The following CATSPERE variants were observed in gnomAD, a reference collection of about 807,000 sequenced individuals.
CATSPERE encodes catsper channel auxiliary subunit epsilon.
In CATSPERE, 93 loss-of-function variants were observed where a neutral mutation model predicts 114.1. That is an observed-to-expected ratio of 0.81 (90% CI 0.69 to 0.97). The LOEUF (loss-of-function observed/expected upper bound fraction) is 0.97, where lower values mean the gene tolerates loss of function less well. Among genes scored for constraint, CATSPERE ranks in the 50% least tolerant of loss-of-function variants. CATSPERE has a pLI of 0.00. For missense variants in CATSPERE, 1,058 were observed against 1,131.6 expected, an observed-to-expected ratio of 0.93 and a Z score of 0.93; for synonymous variants, 341 against 384.1, an observed-to-expected ratio of 0.89 and a Z score of 1.31.
At chr1:244,495,053 A>G (rs1672878676) in intron 6 of CATSPERE, among the ~76,000 whole-genome samples, 1 of 152,202 alleles carries the variant, frequency 6.6e-6, no homozygotes, top group Admixed American at 6.5e-5. Context: ...CTTCTCACTC[A>G]AAACACAGAA....
In CATSPERE at chr1:244,552,784, A is replaced by G; in HGVS notation, c.999A>G (p.Arg333=). 6.2e-7 allele frequency: 1 copy of G among 1,607,288 alleles called. No homozygotes were observed. Reference sequence around the variant, plus strand: ...GTGGAATTACTGGCATTTCATCAAGAAAATGGTGTTGGGTCAATTATTTAT... The same window carrying G: ...GTGGAATTACTGGCATTTCATCAAGGAAATGGTGTTGGGTCAATTATTTAT... The part of the protein sequence containing the change: ...PDGGITGISS[R]KWCWVNYLLK... Residue 333 remains arginine (R), a synonymous_variant, in exon 9 of 22, where the codon AGA becomes AGG. Transcript: ENST00000366534.
intron 8 of CATSPERE, among the ~76,000 whole-genome samples, chr1:244,528,458 A>G (rs1214848496): frequency 6.6e-6 from 1 of 152,182 alleles, no homozygotes; most frequent in Non-Finnish European, 1.5e-5. Context: ...ATTAAATAGT[A>G]CATTGTTTAG....
In CATSPERE at chr1:244,499,157, A is replaced by G. The variant is rs1012642321; in HGVS notation, c.429+78A>G. 7 of 1,061,692 alleles carry G rather than the reference A, an allele frequency of 6.6e-6. No individual in the cohort carries two copies. The African/African-American group carries it at 7.9e-5, about 12-fold the overall frequency. The allele number at this position is 1,061,692 out of a possible 1,614,324, so 65.8% of individuals were successfully genotyped here. ...TTGTAGGGACTGTGAAAAATTTATA[A>G]TCAATAGACAGGATTTTAAGCTGCC... is the stretch of plus-strand genomic sequence containing the variant. On this transcript the variant is annotated intron_variant, in intron 7 of 21. Transcript: ENST00000366534.
Position 244,552,329 on chromosome 1 carries a change from C to T in CATSPERE, c.544C>T (p.Arg182Cys), listed in dbSNP as rs778957359. 24 of 1,605,028 alleles carry T rather than the reference C, an allele frequency of 1.5e-5. No homozygotes were observed. The South Asian group carries it at 1.6e-4, about 10-fold the overall frequency. Residue 182 changes from arginine to cysteine, a missense_variant, in exon 9 of 22, where the codon CGT becomes TGT. Arg to Cys is a radical substitution (Grantham distance 180). Coordinates refer to ENST00000366534, the MANE Select transcript of CATSPERE (RefSeq NM_001130957.2). ...SNEKMRRGTW[R>C]IVVPMTKDDA... Reference sequence around the variant, plus strand: ...TTTTCTTTCTCTTCTTAGGACCTGGCGTATTGTAGTACCAATGACAAAAGA... The same window carrying T: ...TTTTCTTTCTCTTCTTAGGACCTGGTGTATTGTAGTACCAATGACAAAAGA...
chr1:244,609,696 TC>T (rs1488959432), intron 18 of CATSPERE, among the ~76,000 whole-genome samples: 2 of 152,064 alleles, frequency 1.3e-5, no homozygotes, highest in African/African-American at 4.8e-5. Context: ...CATAAAACTG[TC>T]ATATTCGCAG....
intron 1 of CATSPERE, 32 bp downstream of exon 1, chr1:244,461,526 AGGCGGGGATTACCCCC>A (rs752181424): frequency 2.4e-6 from 3 of 1,275,978 alleles, no homozygotes; most frequent in Admixed American, 8.1e-5. Flanking sequence ...GCGAGCGACT[AGGCGGGGATTACCCCC>A]GGCGGGGCAG....
intron 8 of CATSPERE, among the ~76,000 whole-genome samples, chr1:244,527,096 A>G (rs892722988): frequency 4.6e-5 from 7 of 152,162 alleles, no homozygotes; most frequent in Non-Finnish European, 1.0e-4. Context: ...TTCATGTCCA[A>G]CTGGGCACGC....
intron 20 of CATSPERE, among the ~76,000 whole-genome samples, chr1:244,621,166 T>A (rs1165701808): frequency 1.8e-5 from 1 of 54,958 alleles, no homozygotes; most frequent in Non-Finnish European, 3.3e-5. Context: ...ATATATATAT[T>A]ATATATAGAT....
intron 5 of CATSPERE, among the ~76,000 whole-genome samples, chr1:244,484,514 G>A (rs1013295458): frequency 1.3e-5 from 2 of 152,280 alleles, no homozygotes; most frequent in African/African-American, 4.8e-5. Context: ...TGCATCTTCT[G>A]TTAAATTTAT....
intron 6 of CATSPERE, among the ~76,000 whole-genome samples, chr1:244,494,307 A>C (rs1204686692): frequency 6.6e-6 from 1 of 151,968 alleles, no homozygotes; most frequent in Non-Finnish European, 1.5e-5. Flanking sequence ...TTGTAGGGAC[A>C]TGGATGAAAC....
rs561328498 is a variant in CATSPERE, at chr1:244,612,543, T to G, written c.2490+2217T>G. Among the ~76,000 whole-genome samples, 11 of 152,250 alleles carry G rather than the reference T, an allele frequency of 7.2e-5. No homozygotes were observed. The East Asian group carries it at 2.1e-3, about 29-fold the overall frequency. On this transcript the variant is annotated intron_variant, in intron 19 of 21. Transcript: ENST00000366534. ...GGAAAGGGAGAATATGGGTGCTGAG[T>G]GCTTGTCTACATCCACACGATACAG... is the stretch of plus-strand genomic sequence containing the variant.
chr1:244,549,466 T>C (rs944572757), intron 8 of CATSPERE, among the ~76,000 whole-genome samples: 2 of 152,174 alleles, frequency 1.3e-5, no homozygotes, highest in African/African-American at 2.4e-5. Context: ...ACAAATATAT[T>C]TGTTTCCTTC....
intron 8 of CATSPERE, among the ~76,000 whole-genome samples, chr1:244,549,037 T>C (rs537687342): frequency 6.6e-6 from 1 of 152,332 alleles, no homozygotes; most frequent in South Asian, 2.1e-4. Flanking sequence ...TGGAGTGATT[T>C]ATCCAGACTA....
chr1:244,532,947 G>A (rs1679837443), intron 8 of CATSPERE, among the ~76,000 whole-genome samples: 1 of 151,900 alleles, frequency 6.6e-6, no homozygotes, highest in African/African-American at 2.4e-5. Flanking sequence ...GTTAAAAGTG[G>A]GATGTTGAAG....
chr1:244,626,252 C>CGAGGCAA, intron 20 of CATSPERE, among the ~76,000 whole-genome samples: 1 of 152,000 alleles, frequency 6.6e-6, no homozygotes, highest in Admixed American at 6.6e-5. Context: ...TTTGGGAGGC[C>CGAGGCAA]AAGGTGGGTG....
upstream of CATSPERE, among the ~76,000 whole-genome samples, chr1:244,458,418 A>G (rs1362475194): frequency 1.3e-5 from 2 of 152,222 alleles, no homozygotes; most frequent in African/African-American, 4.8e-5. Context: ...TTTGCCATCC[A>G]CAGACATTTT....
At chr1:244,482,544 G>A (rs547766997) in intron 5 of CATSPERE, among the ~76,000 whole-genome samples, 9 of 152,252 alleles carry the variant, frequency 5.9e-5, no homozygotes, top group African/African-American at 1.7e-4. Flanking sequence ...TAAAGCTACC[G>A]TGAGCTATGA....
chr1:244,589,844 A>C (rs1045307325), intron 14 of CATSPERE, among the ~76,000 whole-genome samples: 1 of 152,188 alleles, frequency 6.6e-6, no homozygotes, highest in Non-Finnish European at 1.5e-5. Flanking sequence ...CTTGGAGAAC[A>C]TGTTTTGAAA....
At chr1:244,605,489 C>T (rs1669868542) in intron 17 of CATSPERE, among the ~76,000 whole-genome samples, 1 of 152,014 alleles carries the variant, frequency 6.6e-6, no homozygotes, top group South Asian at 2.1e-4. Flanking sequence ...TGTCAAAAGA[C>T]ACCTAAACAA....
Sources: allele counts gnomAD v4.1 joint callset (sites outside exome capture counted in the v4.1 genomes callset), GRCh38; gene constraint gnomAD v4.1.1; transcripts MANE v1.5; gene names NCBI Gene and HGNC (gene_info 2026-07-23, HGNC 2026-07-21).